Variants in LRCH1 observed in about 807,000 individuals in gnomAD.
LRCH1 encodes the protein leucine-rich repeat and calponin homology domain-containing protein 1.
LRCH1 carries 23 observed loss-of-function variants against 94.9 expected under a neutral mutation model. The observed-to-expected ratio is 0.24, with a 90% CI of 0.17 to 0.34. The LOEUF is 0.34. LRCH1 is among the 10% of genes least tolerant of loss of function. The probability of loss-of-function intolerance (pLI) is 1.00; values close to 1 mark genes in which losing one functional copy is unlikely to be tolerated. For synonymous variants in LRCH1, 364 were observed against 354.9 expected (o/e 1.03, Z -0.29); for missense variants, 790 against 945.9 (o/e 0.84, Z 2.16).
At chr13:46,651,783 C>G (rs1265783954) in intron 2 of LRCH1, among the ~76,000 whole-genome samples, 3 of 149,978 alleles carry the variant, frequency 2.0e-5, no homozygotes, top group Non-Finnish European at 3.0e-5. Context: ...TCACTGCAAG[C>G]TCCGCCTCCC....
chr13:46,562,827 G>A (rs1265744043), intron 1 of LRCH1, among the ~76,000 whole-genome samples: 2 of 152,158 alleles, frequency 1.3e-5, no homozygotes, highest in Non-Finnish European at 2.9e-5. Flanking sequence ...AGCTACACCT[G>A]CATCCACGCT....
At chr13:46,651,473 C>G (rs1351453458) in intron 2 of LRCH1, among the ~76,000 whole-genome samples, 1 of 151,838 alleles carries the variant, frequency 6.6e-6, no homozygotes, top group Non-Finnish European at 1.5e-5. Flanking sequence ...CCAGCCTGGC[C>G]AACACGGTGG....
chr13:46,638,712 T>C lies in LRCH1; in HGVS notation c.308-11489T>C, dbSNP rs555169654. The stretch of plus-strand genomic sequence containing the variant: ...TTTTATCTTTGCTAACTGAAGATCT[T>C]ACATGGCCTCATGCCTAAGATTATT... On this transcript the variant is annotated intron_variant, in intron 1 of 19. Transcript: ENST00000389797. Among the ~76,000 whole-genome samples, 48 of 152,368 alleles carry C rather than the reference T, an allele frequency of 3.2e-4. 1 individual carries two copies. Among genetic ancestry groups the C allele is most frequent in the African/African-American group, 1.1e-3 (47 of 41,590 alleles).
chr13:46,636,779 A>T (rs1272880725), intron 1 of LRCH1, among the ~76,000 whole-genome samples: 2 of 152,016 alleles, frequency 1.3e-5, no homozygotes, highest in African/African-American at 4.8e-5. Context: ...GTTTCCAGGG[A>T]CCTTGCTGGC....
intron 3 of LRCH1, among the ~76,000 whole-genome samples, chr13:46,674,804 G>A (rs1003304665): frequency 1.3e-5 from 2 of 152,192 alleles, no homozygotes; most frequent in African/African-American, 4.8e-5. Context: ...CTTAGCCAAA[G>A]CCACAAGGAT....
intron 1 of LRCH1, among the ~76,000 whole-genome samples, chr13:46,623,833 G>A (rs767686364): frequency 1.3e-4 from 19 of 150,436 alleles, no homozygotes; most frequent in Non-Finnish European, 1.6e-4. Context: ...TCTGCATTAG[G>A]TATGTCTCCT....
chr13:46,668,942 C>T, intron 2 of LRCH1, 88 bp from the exon 3 acceptor site: 3 of 1,426,278 alleles, frequency 2.1e-6, no homozygotes, highest in Non-Finnish European at 2.9e-6. Flanking sequence ...CAGATCACTC[C>T]TTTTTCCTTT....
chr13:46,700,347 C>T (rs775853370), intron 10 of LRCH1, among the ~76,000 whole-genome samples: 2 of 152,174 alleles, frequency 1.3e-5, no homozygotes, highest in African/African-American at 4.8e-5. Flanking sequence ...GATCAAATCT[C>T]TCTTGCCCTT....
intron 1 of LRCH1, among the ~76,000 whole-genome samples, chr13:46,599,720 G>A (rs141483587): frequency 6.6e-6 from 1 of 152,270 alleles, no homozygotes; most frequent in East Asian, 1.9e-4. Context: ...CCTCAATTAT[G>A]TAGGTAGAAA....
chr13:46,589,207 T>C (rs1349315510), intron 1 of LRCH1, among the ~76,000 whole-genome samples: 2 of 151,830 alleles, frequency 1.3e-5, no homozygotes, highest in Non-Finnish European at 2.9e-5. Context: ...TGGCTAATTT[T>C]AATTTTATTT....
intron 13 of LRCH1, 88 bp from the exon 14 acceptor site, chr13:46,711,703 A>G: frequency 2.2e-6 from 2 of 916,050 alleles, no homozygotes; most frequent in Non-Finnish European, 3.5e-6. Context: ...TGGACCGGGG[A>G]CATGATGGCA....
intron 1 of LRCH1, among the ~76,000 whole-genome samples, chr13:46,574,032 G>A (rs1203537799): frequency 6.6e-6 from 1 of 151,022 alleles, no homozygotes; most frequent in Non-Finnish European, 1.5e-5. Context: ...TTTTAGTAGA[G>A]ACGGGGTTTC....
At chr13:46,674,390 A>G (rs2051643457) in intron 3 of LRCH1, among the ~76,000 whole-genome samples, 1 of 152,192 alleles carries the variant, frequency 6.6e-6, no homozygotes, top group African/African-American at 2.4e-5. Flanking sequence ...AAGAGACACT[A>G]CTGAGATGTC....
intron 1 of LRCH1, among the ~76,000 whole-genome samples, chr13:46,604,624 C>T (rs2050667984): frequency 6.6e-6 from 1 of 151,984 alleles, no homozygotes; most frequent in Non-Finnish European, 1.5e-5. Flanking sequence ...CTTGTTCTGC[C>T]CTCAGCCTCT....
In LRCH1 at chr13:46,742,737, A is replaced by G. The variant is rs1309112502; in HGVS notation, c.*889A>G. ...TAACTGCCGGTCCAGAATGTGACGG[A>G]TTCGACTCTATTCATTTTCAAATAA... On this transcript the variant is annotated 3_prime_UTR_variant, in exon 20 of 20. Coordinates refer to ENST00000389797, the MANE Select transcript of LRCH1 (RefSeq NM_001164211.2). 1.0e-6 allele frequency: 1 copy of G among 985,426 alleles called. No homozygotes were observed. Among genetic ancestry groups the G allele is most frequent in the Non-Finnish European group, 1.2e-6 (1 of 829,944 alleles). 61.0% of individuals were successfully genotyped at this position (985,426 alleles called of 1,614,324 possible).
intron 2 of LRCH1, among the ~76,000 whole-genome samples, chr13:46,650,793 A>C (rs1594315362): frequency 6.6e-6 from 1 of 151,448 alleles, no homozygotes; most frequent in African/African-American, 2.4e-5. Context: ...GGGCTTTGCT[A>C]CCTAGTACTA....
chr13:46,675,800 T>C (rs757398160), intron 3 of LRCH1, among the ~76,000 whole-genome samples: 31 of 152,202 alleles, frequency 2.0e-4, no homozygotes, highest in Non-Finnish European at 2.6e-4. Context: ...CAAGGCCCTC[T>C]GTGCTTCCAT....
intron 1 of LRCH1, among the ~76,000 whole-genome samples, chr13:46,637,583 G>A (rs768309939): frequency 7.9e-5 from 12 of 152,170 alleles, no homozygotes; most frequent in Non-Finnish European, 1.3e-4. Flanking sequence ...CTGGGGAAAG[G>A]CTCAGCCCTT....
chr13:46,692,644 C>A lies in LRCH1; in HGVS notation c.1120+3C>A. The A allele has an allele frequency of 6.2e-7, 1 of 1,609,752 alleles. No individual in the cohort carries two copies. The highest frequency in any genetic ancestry group is 1.1e-5 in the South Asian group (1 of 90,958). On this transcript the variant is annotated splice_donor_region_variant and intron_variant, in intron 8 of 19. Coordinates refer to ENST00000389797, the MANE Select transcript of LRCH1 (RefSeq NM_001164211.2). Reference sequence around the variant, plus strand: ...CCATCGCCTTAGCCCCGTTAAAGGTCTGAGAATAAAAATGTGGAGAAAGTG... The same window carrying A: ...CCATCGCCTTAGCCCCGTTAAAGGTATGAGAATAAAAATGTGGAGAAAGTG...
Sources: allele counts gnomAD v4.1 joint callset (sites outside exome capture counted in the v4.1 genomes callset), GRCh38; gene constraint gnomAD v4.1.1; transcripts MANE v1.5; gene names NCBI Gene and HGNC (gene_info 2026-07-23, HGNC 2026-07-21).